SCD5: variants seen among roughly 807,000 people sequenced by gnomAD.
The protein encoded by SCD5 is acyl-CoA-desaturase 4.
A neutral mutation model predicts 30.4 loss-of-function variants in SCD5; 20 were observed. That is an observed-to-expected ratio of 0.66 (90% CI 0.46 to 0.96). The LOEUF is 0.96. Ranked by LOEUF, SCD5 falls within the 40% of genes least tolerant of loss-of-function variation. The pLI is 0.00. For synonymous variants in SCD5, 173 were observed against 176.4 expected (o/e 0.98, Z 0.16); for missense variants, 381 against 443.3 (o/e 0.86, Z 1.26).
At chr4:82,682,347 C>T (rs1391662773) in intron 2 of SCD5, among the ~76,000 whole-genome samples, 1 of 151,542 alleles carries the variant, frequency 6.6e-6, no homozygotes, top group Non-Finnish European at 1.5e-5. Context: ...TTAATGAGAC[C>T]TTAGCTATAG....
chr4:82,679,283 G>C (rs6535375), intron 3 of SCD5, among the ~76,000 whole-genome samples: 1 of 123,502 alleles, frequency 8.1e-6, no homozygotes. Context: ...AAAGAAAGAA[G>C]GAAGGAAAGA....
At chr4:82,779,115 T>TC (rs1252119403) in intron 1 of SCD5, among the ~76,000 whole-genome samples, 1 of 152,164 alleles carries the variant, frequency 6.6e-6, no homozygotes, top group Non-Finnish European at 1.5e-5. Context: ...TCCACCCGCC[T>TC]CGGCCTCCCA....
chr4:82,751,773 C>G (rs537219963), intron 1 of SCD5, among the ~76,000 whole-genome samples: 2 of 152,074 alleles, frequency 1.3e-5, no homozygotes, highest in Non-Finnish European at 1.5e-5. Context: ...ATTACAGGCA[C>G]GCGCCACTAC....
chr4:82,728,026 T>C (rs1233596158), intron 1 of SCD5, among the ~76,000 whole-genome samples: 1 of 152,182 alleles, frequency 6.6e-6, no homozygotes. Context: ...TTGAGCCTTT[T>C]AATGAGCAAG....
chr4:82,761,441 T>A (rs892953692), intron 1 of SCD5, among the ~76,000 whole-genome samples: 4 of 152,178 alleles, frequency 2.6e-5, no homozygotes, highest in African/African-American at 9.6e-5. Flanking sequence ...GCTGTTTCCA[T>A]GGAGACAGTG....
chr4:82,766,423 A>G (rs1276833948), intron 1 of SCD5, among the ~76,000 whole-genome samples: 1 of 152,110 alleles, frequency 6.6e-6, no homozygotes, highest in African/African-American at 2.4e-5. Flanking sequence ...CCATCTCTAG[A>G]AGTTTAATTT....
intron 3 of SCD5, among the ~76,000 whole-genome samples, chr4:82,669,064 A>C (rs1728250277): frequency 6.6e-6 from 1 of 152,218 alleles, no homozygotes; most frequent in African/African-American, 2.4e-5. Context: ...CCAAAGCCCT[A>C]CATAAAACCA....
intron 3 of SCD5, among the ~76,000 whole-genome samples, chr4:82,645,606 G>C (rs1727621014): frequency 1.3e-5 from 2 of 152,144 alleles, no homozygotes; most frequent in South Asian, 4.2e-4. Context: ...CCACAATTGG[G>C]AAGACGTTCC....
At chr4:82,713,288 A>C (rs563992130) in intron 1 of SCD5, among the ~76,000 whole-genome samples, 57 of 151,490 alleles carry the variant, frequency 3.8e-4, no homozygotes, top group African/African-American at 1.3e-3. Context: ...GTTGTAACAT[A>C]CTGGGCAACT....
intron 4 of SCD5, among the ~76,000 whole-genome samples, chr4:82,634,231 T>C (rs1727377236): frequency 6.6e-6 from 1 of 152,238 alleles, no homozygotes; most frequent in Admixed American, 6.5e-5. Flanking sequence ...CAAGTTTTTG[T>C]GTGGACATAT....
intron 1 of SCD5, among the ~76,000 whole-genome samples, chr4:82,751,485 T>C (rs763767320): frequency 3.9e-5 from 6 of 152,218 alleles, no homozygotes; most frequent in Non-Finnish European, 8.8e-5. Context: ...TTAAATCTCT[T>C]AGGACTGAGA....
At chr4:82,762,572 A>G (rs1721399841) in intron 1 of SCD5, among the ~76,000 whole-genome samples, 1 of 152,194 alleles carries the variant, frequency 6.6e-6, no homozygotes, top group African/African-American at 2.4e-5. Flanking sequence ...ACTTAGGTCC[A>G]GTCTCCTAAC....
intron 1 of SCD5, among the ~76,000 whole-genome samples, chr4:82,781,925 A>C (rs974069094): frequency 2.2e-4 from 33 of 152,200 alleles, no homozygotes; most frequent in Admixed American, 3.3e-4. Flanking sequence ...AGACCTCATC[A>C]CCCTGTGGGT....
At chr4:82,786,798 A>AAG (rs1267933286) in intron 1 of SCD5, among the ~76,000 whole-genome samples, 1 of 151,618 alleles carries the variant, frequency 6.6e-6, no homozygotes, top group African/African-American at 2.4e-5. Context: ...GCCTTAAAAA[A>AAG]AAAAAAAAAA....
chr4:82,643,917 C>A (rs1340644485), intron 3 of SCD5, among the ~76,000 whole-genome samples: 3 of 152,214 alleles, frequency 2.0e-5, no homozygotes, highest in Non-Finnish European at 4.4e-5. Context: ...GGATGGAGAG[C>A]TCCTTGGATA....
intron 3 of SCD5, among the ~76,000 whole-genome samples, chr4:82,649,106 T>C (rs1020241933): frequency 7.9e-5 from 12 of 152,068 alleles, no homozygotes; most frequent in African/African-American, 2.9e-4. Context: ...CCACTATGTG[T>C]ATTTGAACTT....
chr4:82,744,867 C>T (rs987166241), intron 1 of SCD5, among the ~76,000 whole-genome samples: 6 of 151,834 alleles, frequency 4.0e-5, no homozygotes, highest in Middle Eastern at 3.4e-3. Flanking sequence ...AAAGGGATTG[C>T]ATTTCAATCA....
At chr4:82,693,355 T>A (rs547861760) in intron 2 of SCD5, among the ~76,000 whole-genome samples, 4 of 152,238 alleles carry the variant, frequency 2.6e-5, no homozygotes, top group Non-Finnish European at 4.4e-5. Flanking sequence ...CCCTCACCAA[T>A]GTTTAAGCCA....
chr4:82,691,075 G>T (rs1728824748), intron 2 of SCD5, among the ~76,000 whole-genome samples: 1 of 152,166 alleles, frequency 6.6e-6, no homozygotes, highest in Non-Finnish European at 1.5e-5. Flanking sequence ...ATCCAAGCTG[G>T]AGTGCAGTGG....
Sources: allele counts gnomAD v4.1 joint callset (sites outside exome capture counted in the v4.1 genomes callset), GRCh38; gene constraint gnomAD v4.1.1; transcripts MANE v1.5; gene names NCBI Gene and HGNC (gene_info 2026-07-23, HGNC 2026-07-21).